Variants in TNS3 observed in about 807,000 individuals in gnomAD.
TNS3 encodes the protein tensin-3.
A neutral mutation model predicts 140.9 loss-of-function variants in TNS3; 45 were observed. The observed-to-expected ratio is 0.32, with a 90% CI of 0.25 to 0.41. The LOEUF is 0.41. Among genes scored for constraint, TNS3 ranks in the 10% least tolerant of loss-of-function variants. The pLI is 1.00. For synonymous variants in TNS3, 815 were observed against 788.4 expected, an observed-to-expected ratio of 1.03 and a Z score of -0.56; for missense variants, 1,716 against 1,906.7, an observed-to-expected ratio of 0.90 and a Z score of 1.86.
At chr7:47,466,637 T>C (rs576529926) in intron 4 of TNS3, among the ~76,000 whole-genome samples, 15 of 152,136 alleles carry the variant, frequency 9.9e-5, no homozygotes, top group Non-Finnish European at 1.8e-4. Flanking sequence ...TTGATTCTGG[T>C]GAGGACTTGG....
intron 5 of TNS3, 30 bp downstream of exon 5, chr7:47,441,973 C>T (rs1235741022): frequency 3.1e-6 from 4 of 1,287,398 alleles, no homozygotes; most frequent in Non-Finnish European, 4.1e-6. Flanking sequence ...GCCAGAGACA[C>T]AGGAATGCAT....
intron 25 of TNS3, 39 bp from the exon 26 acceptor site, chr7:47,292,944 G>A: frequency 6.4e-7 from 1 of 1,568,606 alleles, no homozygotes. Flanking sequence ...GTCAACAACT[G>A]CTGTAGATGT....
At chr7:47,564,789 A>G (rs1800395404) in intron 1 of TNS3, among the ~76,000 whole-genome samples, 1 of 151,910 alleles carries the variant, frequency 6.6e-6, no homozygotes, top group Non-Finnish European at 1.5e-5. Flanking sequence ...TGACTGATTA[A>G]TATCACTAAG....
chr7:47,320,205 G>A (rs757451299), intron 20 of TNS3, among the ~76,000 whole-genome samples: 3 of 152,088 alleles, frequency 2.0e-5, no homozygotes, highest in African/African-American at 7.2e-5. Context: ...GTGCACTCTC[G>A]TCCATCTATA....
In TNS3 at chr7:47,532,072, C is replaced by T. The variant is rs921399726; in HGVS notation, c.-264-2925G>A. Among the ~76,000 whole-genome samples the T allele has an allele frequency of 4.1e-4, 62 of 150,824 alleles. 1 individual carries two copies. Among genetic ancestry groups the T allele is most frequent in the African/African-American group, 1.3e-3 (52 of 41,106 alleles). On this transcript the variant is annotated intron_variant, in intron 1 of 30. Coordinates refer to ENST00000311160, the MANE Select transcript of TNS3 (RefSeq NM_022748.12). ...CTCGGGCGCATGGGAAGCCCCCCCC[C>T]GCCCACCATCCCTGCTGGCTCAGGA...
intron 4 of TNS3, among the ~76,000 whole-genome samples, chr7:47,467,472 G>T (rs1218146006): frequency 2.6e-5 from 4 of 152,092 alleles, no homozygotes; most frequent in Non-Finnish European, 5.9e-5. Flanking sequence ...ACATTTTAAA[G>T]AAACCTGTTA....
chr7:47,371,773 G>A (rs1034466465), intron 16 of TNS3, among the ~76,000 whole-genome samples: 4 of 151,738 alleles, frequency 2.6e-5, no homozygotes, highest in Non-Finnish European at 5.9e-5. Flanking sequence ...ATCACTAGGT[G>A]ACTGTGAAGT....
At chr7:47,449,269 C>T (rs1174403118) in intron 4 of TNS3, among the ~76,000 whole-genome samples, 1 of 152,208 alleles carries the variant, frequency 6.6e-6, no homozygotes, top group Non-Finnish European at 1.5e-5. Context: ...TGCGGCATTT[C>T]AAATGGAGCA....
intron 3 of TNS3, among the ~76,000 whole-genome samples, chr7:47,487,793 G>A (rs1797666737): frequency 1.3e-5 from 2 of 152,282 alleles, no homozygotes; most frequent in Non-Finnish European, 1.5e-5. Flanking sequence ...AAGATAAGTT[G>A]CAAAGACTCA....
intron 3 of TNS3, among the ~76,000 whole-genome samples, chr7:47,493,759 C>T (rs1246299260): frequency 1.6e-4 from 24 of 150,496 alleles, no homozygotes; most frequent in African/African-American, 5.1e-4. Flanking sequence ...ACCCAGGAGG[C>T]GGAGCTTGCA....
intron 17 of TNS3, among the ~76,000 whole-genome samples, chr7:47,349,509 G>C (rs985194748): frequency 1.3e-5 from 2 of 152,248 alleles, no homozygotes; most frequent in Non-Finnish European, 2.9e-5. Context: ...AGGAAGAATG[G>C]GGGAGTCAAG....
intron 4 of TNS3, among the ~76,000 whole-genome samples, chr7:47,452,099 G>A (rs1355033968): frequency 6.6e-6 from 1 of 152,208 alleles, no homozygotes; most frequent in African/African-American, 2.4e-5. Context: ...CCAGTAATAA[G>A]TGCCAAAGAA....
At chr7:47,328,276 CG>C (rs957599351) in intron 20 of TNS3, among the ~76,000 whole-genome samples, 8 of 152,332 alleles carry the variant, frequency 5.3e-5, no homozygotes, top group Admixed American at 1.3e-4. Context: ...CTGGCTGTCG[CG>C]GGCGGCCTGC....
rs376897398 is a variant in TNS3, at chr7:47,369,476, G to A, written c.1170C>T (p.Ser390=). ...PDHSDHTLSV[S]SDSGHSTASA... Reference sequence around the variant, plus strand: ...AGGCTGTAGAGTGGCCGGAGTCACTGCTGACAGACAAGGTGTGGTCACTGT... The same window carrying A: ...AGGCTGTAGAGTGGCCGGAGTCACTACTGACAGACAAGGTGTGGTCACTGT... Residue 390 remains serine, a synonymous_variant, in exon 17 of 31, where the codon AGC becomes AGT. Coordinates refer to ENST00000311160, the MANE Select transcript of TNS3 (RefSeq NM_022748.12). The A allele has an allele frequency of 2.0e-4, 330 of 1,614,024 alleles. No individual in the cohort carries two copies. The highest frequency in any genetic ancestry group is 2.4e-4 in the Non-Finnish European group (278 of 1,180,034).
rs918116264 is a variant in TNS3, at chr7:47,439,369, G to A, written c.150+118C>T. 3 of 1,160,176 alleles carry A rather than the reference G, an allele frequency of 2.6e-6. No homozygotes were observed. In the African/African-American group the frequency reaches 4.6e-5, roughly 18 times the overall value. The allele number at this position is 1,160,176 out of a possible 1,614,324, so 71.9% of individuals were successfully genotyped here. On this transcript the variant is annotated intron_variant, in intron 6 of 30. Coordinates refer to ENST00000311160, the MANE Select transcript of TNS3 (RefSeq NM_022748.12). ...ACGAAGGCGCCACGGACAGCTGTGT[G>A]AGCCCAGGCCCTTGAGCTTCTCCCT...
In TNS3 at chr7:47,428,347, T is replaced by C; in HGVS notation, c.354A>G (p.Ile118Met). Residue 118 changes from isoleucine (I) to methionine (M), a missense_variant, in exon 9 of 31, where the codon ATA (isoleucine) becomes ATG (methionine). Ile to Met is a conservative substitution (Grantham distance 10). Around this residue, in one of 3 missense-constraint regions of TNS3, gnomAD observed 337 missense variants for 428.9 expected, o/e 0.79. Coordinates refer to ENST00000311160, the MANE Select transcript of TNS3 (RefSeq NM_022748.12). ...CGTTGGTGAAATGCATGTAGGATGA[T>C]ATGACCACTCCTATGCGTCCTTTCC... is the stretch of plus-strand genomic sequence containing the variant. ...RGGKGRIGVVISSYMHFTNVS... is the reference protein window; with the variant it reads ...RGGKGRIGVVMSSYMHFTNVS... 6.9e-7 allele frequency: 1 copy of C among 1,454,352 alleles called. No individual in the cohort carries two copies. 90.1% of individuals were successfully genotyped at this position (1,454,352 alleles called of 1,614,324 possible).
intron 27 of TNS3, among the ~76,000 whole-genome samples, chr7:47,287,742 G>T (rs185095196): frequency 2.0e-5 from 3 of 152,146 alleles, no homozygotes; most frequent in African/African-American, 7.2e-5. Context: ...GCAGACATTC[G>T]CAGCTCTCAA....
At chr7:47,399,046 T>A (rs1372121193) in intron 15 of TNS3, among the ~76,000 whole-genome samples, 2 of 96,732 alleles carry the variant, frequency 2.1e-5, no homozygotes, top group African/African-American at 8.2e-5. Context: ...AAACTGACAA[T>A]CAAATTAAGA....
intron 4 of TNS3, among the ~76,000 whole-genome samples, chr7:47,444,895 C>A (rs553866162): frequency 6.6e-6 from 1 of 152,328 alleles, no homozygotes; most frequent in South Asian, 2.1e-4. Context: ...GAGGCCCCAG[C>A]ACCTGAGCTG....
Sources: gnomAD v4.1 joint callset for allele counts (sites outside exome capture counted in the v4.1 genomes callset) on GRCh38, gnomAD v4.1.1 for gene constraint, gnomAD v4.1.1 regional missense constraint, MANE v1.5 for transcripts, NCBI Gene and HGNC (gene_info 2026-07-23, HGNC 2026-07-21) for gene names.